SMYD5: variants seen among roughly 807,000 people sequenced by gnomAD.
SMYD5 encodes SMYD family member 5.
In SMYD5, 35 loss-of-function variants were observed where a neutral mutation model predicts 57.4. The observed-to-expected ratio is 0.61, with a 90% confidence interval of 0.47 to 0.81. The LOEUF is 0.81. SMYD5 is among the 30% of genes least tolerant of loss of function. The pLI is 0.00. For synonymous variants in SMYD5, 198 were observed against 189.7 expected (o/e 1.04, Z -0.36); for missense variants, 471 against 527.9 (o/e 0.89, Z 1.06).
In SMYD5 at chr2:73,224,876, T is replaced by C; in HGVS notation, c.951T>C (p.Ser317=). 1 of 1,613,334 alleles carries C rather than the reference T, an allele frequency of 6.2e-7. No homozygotes were observed. Among genetic ancestry groups the C allele is most frequent in the Non-Finnish European group, 8.5e-7 (1 of 1,179,460 alleles). Residue 317 remains serine (S), a synonymous_variant, in exon 11 of 13, where the codon AGT becomes AGC. Transcript: ENST00000389501. ...CCTCTTATGATCCAGGCAACCACAGTTGTGTGCCCAATGCAGAGACCTCCT... is the reference window on the plus strand; with the variant it reads ...CCTCTTATGATCCAGGCAACCACAGCTGTGTGCCCAATGCAGAGACCTCCT... ...LFVLQSCCNH[S]CVPNAETSFP...
In SMYD5 at chr2:73,222,837, G is replaced by C. The variant is rs558751915; in HGVS notation, c.705+20G>C. 2.5e-6 allele frequency: 4 copies of C among 1,611,360 alleles called. No homozygotes were observed. In the African/African-American group the frequency reaches 5.3e-5, roughly 21 times the overall value. On this transcript the variant is annotated intron_variant, in intron 7 of 12. Transcript: ENST00000389501. ...AGCCAGGTGAGTGAGGAGAGGGTGG[G>C]ACCAGTGGCCTCCTTGTTACTCCAG...
At chr2:73,223,682 G>A in intron 9 of SMYD5, 150 bp downstream of exon 9, 1 of 687,474 alleles carries the variant, frequency 1.5e-6, no homozygotes, top group Non-Finnish European at 2.6e-6. Flanking sequence ...CTGTCCACAG[G>A]GCACACAGGT....
chr2:73,223,911 T>C, intron 9 of SMYD5, 36 bp from the exon 10 acceptor site: 1 of 1,599,338 alleles, frequency 6.3e-7, no homozygotes, highest in Middle Eastern at 1.7e-4. Context: ...CCTTTAAAAA[T>C]GGGTAGAATA....
At chr2:73,224,720 T>G (rs1256750907) in intron 10 of SMYD5, 146 bp from the exon 11 acceptor site, 1 of 605,774 alleles carries the variant, frequency 1.7e-6, no homozygotes, top group Non-Finnish European at 2.9e-6. Flanking sequence ...GAAAGAACAC[T>G]GGATGCAGAG....
rs749618899 is a variant in SMYD5, at chr2:73,221,945, G to A, written c.642+15G>A. On this transcript the variant is annotated intron_variant, in intron 6 of 12. Transcript: ENST00000389501. ...ACAAATTCAAGGTTATTATTCTCCC[G>A]TGGCCTGTCTCCTTCCCTCCCCAAA... is the stretch of plus-strand genomic sequence containing the variant. The A allele has an allele frequency of 1.4e-5, 21 of 1,502,594 alleles. No homozygotes were observed. Among genetic ancestry groups the A allele is most frequent in the South Asian group, 3.4e-5 (3 of 88,804 alleles). The allele number at this position is 1,502,594 out of a possible 1,614,324, so 93.1% of individuals were successfully genotyped here.
chr2:73,220,294 C>T, intron 3 of SMYD5, 104 bp downstream of exon 3: 1 of 1,247,768 alleles, frequency 8.0e-7, no homozygotes, highest in Non-Finnish European at 1.1e-6. Context: ...GGTCATGGCC[C>T]TTGAAAACTA....
intron 6 of SMYD5, among the ~76,000 whole-genome samples, chr2:73,222,452 A>G (rs1217738510): frequency 6.6e-6 from 1 of 152,158 alleles, no homozygotes; most frequent in African/African-American, 2.4e-5. Context: ...GCTGGTCTGG[A>G]GGCCAGGTCA....
chr2:73,214,509 T>C, intron 1 of SMYD5, 147 bp downstream of exon 1: 1 of 1,489,662 alleles, frequency 6.7e-7, no homozygotes, highest in Non-Finnish European at 8.9e-7. Flanking sequence ...GGGCTCCCAG[T>C]CTGTCCCTGC....
intron 1 of SMYD5, 106 bp downstream of exon 1, chr2:73,214,468 C>A: frequency 6.4e-7 from 1 of 1,562,814 alleles, no homozygotes; most frequent in Admixed American, 1.9e-5. Flanking sequence ...GCCGCTCGGA[C>A]GCTACGGCCC....
intron 3 of SMYD5, 23 bp downstream of exon 3, chr2:73,220,213 C>A: frequency 6.2e-7 from 1 of 1,611,688 alleles, no homozygotes. Flanking sequence ...GGGGAGTGTA[C>A]CTGGAAGGGG....
In SMYD5 at chr2:73,223,117, TC is replaced by T. The variant is rs1686427792; in HGVS notation, c.776+13del. 1 of 1,611,280 alleles carries T rather than the reference TC, an allele frequency of 6.2e-7. No individual in the cohort carries two copies. Among genetic ancestry groups the T allele is most frequent in the African/African-American group, 1.3e-5 (1 of 74,870 alleles). On this transcript the variant is annotated intron_variant, in intron 8 of 12. Coordinates refer to ENST00000389501, the MANE Select transcript of SMYD5 (RefSeq NM_006062.3). Reference sequence around the variant, plus strand: ...AGGAATCGGGACCAGGTTAGAATGTTCCAGAGCTATTGAAGTTACTCTCAGG... The same window carrying T: ...AGGAATCGGGACCAGGTTAGAATGTTCAGAGCTATTGAAGTTACTCTCAGG...
At chr2:73,221,017 C>T in intron 4 of SMYD5, 148 bp from the exon 5 acceptor site, 1 of 823,662 alleles carries the variant, frequency 1.2e-6, no homozygotes, top group African/African-American at 1.7e-5. Flanking sequence ...AATAGGGATG[C>T]AAAGTCTTGC....
intron 8 of SMYD5, 65 bp from the exon 9 acceptor site, chr2:73,223,361 G>A (rs1349435559): frequency 3.6e-6 from 4 of 1,112,942 alleles, no homozygotes; most frequent in Non-Finnish European, 5.5e-6. Flanking sequence ...AACTTACCTG[G>A]AGGTGGAGAG....
rs1326250450 is a variant in SMYD5 at position 73,220,157 on chromosome 2, C to G, written c.312C>G (p.Arg104=). ...CTCACCCAGAGCTGTGCACTGTGCG[C>G]AAAGACCTCCACCAGAACTGTCCCC... is the stretch of plus-strand genomic sequence containing the variant. ...VLPHPELCTV[R]KDLHQNCPHC... is the part of the protein sequence containing the mutation. Residue 104 remains arginine (R), a synonymous_variant, in exon 3 of 13, where the codon CGC becomes CGG. Transcript: ENST00000389501. The G allele has an allele frequency of 6.2e-7, 1 of 1,614,130 alleles. No individual in the cohort carries two copies. Among genetic ancestry groups the G allele is most frequent in the Non-Finnish European group, 8.5e-7 (1 of 1,180,020 alleles).
chr2:73,218,295 CCTTT>C (rs1686325116), intron 1 of SMYD5, among the ~76,000 whole-genome samples: 2 of 152,316 alleles, frequency 1.3e-5, no homozygotes, highest in South Asian at 4.1e-4. Context: ...AGTATTAGCT[CCTTT>C]CTTTCAGTGC....
chr2:73,224,819 T>C (rs1558553534), intron 10 of SMYD5, 47 bp from the exon 11 acceptor site: 1 of 1,421,612 alleles, frequency 7.0e-7, no homozygotes. Context: ...TTGAGGCTAT[T>C]ATTTTTTTTA....
At chr2:73,216,889 CT>C (rs562234881) in intron 1 of SMYD5, among the ~76,000 whole-genome samples, 3 of 151,764 alleles carry the variant, frequency 2.0e-5, no homozygotes, top group African/African-American at 4.8e-5. Context: ...TTTCTTAAAA[CT>C]TTTTTTTCAA....
chr2:73,221,975 C>G, intron 6 of SMYD5, 45 bp downstream of exon 6: 1 of 1,215,328 alleles, frequency 8.2e-7, no homozygotes. Context: ...CCCAAATATC[C>G]TAGGATGTCT....
rs1476915629 is a variant in SMYD5 at position 73,214,321 on chromosome 2, G to A, written c.55G>A (p.Ala19Thr). Residue 19 changes from alanine (A) to threonine (T), a missense_variant, in exon 1 of 13, where the codon GCG (alanine) becomes ACG (threonine). By Grantham distance (58) the Ala-to-Thr change is moderately conservative. Coordinates refer to ENST00000389501, the MANE Select transcript of SMYD5 (RefSeq NM_006062.3). The part of the protein sequence containing the change: ...FSFCVGVAGR[A>T]RVSVEVRFVS... ...CTTCTGCGTGGGCGTGGCGGGCCGC[G>A]CGCGGGTCTCCGTGGAAGTCCGTTT... 2.5e-6 allele frequency: 4 copies of A among 1,613,476 alleles called. No homozygotes were observed. Among genetic ancestry groups the A allele is most frequent in the African/African-American group, 2.7e-5 (2 of 75,032 alleles).
Sources: gnomAD v4.1 joint callset for allele counts (sites outside exome capture counted in the v4.1 genomes callset) on GRCh38, gnomAD v4.1.1 for gene constraint, MANE v1.5 for transcripts, NCBI Gene and HGNC (gene_info 2026-07-23, HGNC 2026-07-21) for gene names.